Variants in TBXAS1 observed in about 807,000 individuals in gnomAD.
TBXAS1 encodes the protein thromboxane-A synthase.
In TBXAS1, 48 loss-of-function variants were observed where a neutral mutation model predicts 60.7. That is an observed-to-expected ratio of 0.79 (90% CI 0.63 to 1.01). The LOEUF (loss-of-function observed/expected upper bound fraction) is 1.01, where lower values mean the gene tolerates loss of function less well. TBXAS1 is among the 50% of genes least tolerant of loss of function. The pLI is 0.00. For missense variants in TBXAS1, 685 were observed against 686.3 expected (o/e 1.00, Z 0.02); for synonymous variants, 287 against 269.7 (o/e 1.06, Z -0.63).
At chr7:139,950,808 G>A (rs1422742383) in intron 5 of TBXAS1, among the ~76,000 whole-genome samples, 1 of 28,316 alleles carries the variant, frequency 3.5e-5, no homozygotes, top group Non-Finnish European at 6.2e-5. Flanking sequence ...GGACCCCCTC[G>A]CCTTCCATCT....
chr7:139,822,092 A>G (rs1188366864), intron 4 of TBXAS1, among the ~76,000 whole-genome samples: 1 of 152,210 alleles, frequency 6.6e-6, no homozygotes, highest in Non-Finnish European at 1.5e-5. Flanking sequence ...TTCACAAATG[A>G]GAAACCGAGG....
At chr7:139,970,006 C>T (rs892080220) in intron 9 of TBXAS1, among the ~76,000 whole-genome samples, 3 of 152,226 alleles carry the variant, frequency 2.0e-5, no homozygotes, top group Admixed American at 6.5e-5. Context: ...TAGGGCATCA[C>T]AAAGTTTAAC....
chr7:139,809,230 AGAT>A (rs554505635), intron 4 of TBXAS1, among the ~76,000 whole-genome samples: 8,202 of 102,528 alleles, frequency 0.08, 632 homozygotes, highest in African/African-American at 0.22. Flanking sequence ...ATAGATAGAT[AGAT>A]GATAGATAGA....
Position 140,007,115 on chromosome 7 carries a change from G to C in TBXAS1, c.1159G>C (p.Glu387Gln), listed in dbSNP as rs3735354. Reference protein sequence around the residue: ...KHMAPEFCSLEEGLPYLDMVI... With the variant: ...KHMAPEFCSLQEGLPYLDMVI... The stretch of plus-strand genomic sequence containing the variant: ...GATGGCCCCTGAGTTCTGCAGCCTC[G>C]AGGAAGGCCTGCCCTATCTGGACAT... The change falls in exon 10 of 13, where the codon GAG (glutamate) becomes CAG (glutamine). Residue 387 changes from glutamate to glutamine, a missense_variant. By Grantham distance (29) the Glu-to-Gln change is conservative. Coordinates refer to ENST00000448866, the MANE Select transcript of TBXAS1 (RefSeq NM_001061.7). The C allele has an allele frequency of 6.2e-7, 1 of 1,614,064 alleles. No homozygotes were observed. The highest frequency in any genetic ancestry group is 1.1e-5 in the South Asian group (1 of 91,064).
At chr7:139,887,302 T>C (rs557431758) in intron 3 of TBXAS1, among the ~76,000 whole-genome samples, 8 of 152,244 alleles carry the variant, frequency 5.3e-5, no homozygotes, top group Non-Finnish European at 1.2e-4. Context: ...TCTCCTATTT[T>C]TCATTGTATA....
At chr7:139,986,556 A>G (rs753262866) in intron 9 of TBXAS1, among the ~76,000 whole-genome samples, 1 of 149,284 alleles carries the variant, frequency 6.7e-6, no homozygotes, top group Non-Finnish European at 1.5e-5. Context: ...CCATTGTATC[A>G]TTCTTATGCC....
Position 139,922,114 on chromosome 7 carries a change from T to C in TBXAS1, c.333+10793T>C, listed in dbSNP as rs539871810. 7.0e-3 allele frequency among the ~76,000 whole-genome samples: 1,051 copies of C among 150,740 alleles called. 11 individuals are homozygous for C. Among genetic ancestry groups the C allele is most frequent in the South Asian group, 0.025 (120 of 4,768 alleles). On this transcript the variant is annotated intron_variant, in intron 4 of 12. Coordinates refer to ENST00000448866, the MANE Select transcript of TBXAS1 (RefSeq NM_001061.7). ...TTTTCTTTTTCTTTTTTTTTTTTTTTCCCCGAGATGGAGTTTTGCTCTTGT... is the reference window on the plus strand; with the variant it reads ...TTTTCTTTTTCTTTTTTTTTTTTTTCCCCCGAGATGGAGTTTTGCTCTTGT...
chr7:139,943,530 G>A (rs143097020), intron 5 of TBXAS1, among the ~76,000 whole-genome samples: 7 of 152,312 alleles, frequency 4.6e-5, no homozygotes, highest in East Asian at 1.9e-4. Context: ...CTGACTTGCC[G>A]CTGGTTAAAT....
chr7:139,952,464 A>G (rs969669890), intron 5 of TBXAS1: 29 of 1,413,018 alleles, frequency 2.1e-5, no homozygotes, highest in Non-Finnish European at 2.7e-5. Flanking sequence ...AGAAATGCTC[A>G]GAATGATGTA....
chr7:140,009,539 C>T (rs1814365469), intron 10 of TBXAS1, among the ~76,000 whole-genome samples: 1 of 151,700 alleles, frequency 6.6e-6, no homozygotes, highest in African/African-American at 2.4e-5. Flanking sequence ...GCCTCGCTCT[C>T]CTGAGCCGCC....
At chr7:139,799,940 C>T (rs141287832) in intron 4 of TBXAS1, among the ~76,000 whole-genome samples, 41 of 152,332 alleles carry the variant, frequency 2.7e-4, no homozygotes, top group Admixed American at 7.2e-4. Context: ...CTATCCACAT[C>T]TTGTTATCCA....
intron 3 of TBXAS1, among the ~76,000 whole-genome samples, chr7:139,885,001 G>A (rs1252942010): frequency 6.6e-6 from 1 of 152,230 alleles, no homozygotes; most frequent in Admixed American, 6.5e-5. Context: ...GTCTCATGAT[G>A]TGTGGCTGGA....
At chr7:139,841,040 C>A (rs1207813734) in intron 1 of TBXAS1, among the ~76,000 whole-genome samples, 1 of 152,240 alleles carries the variant, frequency 6.6e-6, no homozygotes, top group East Asian at 1.9e-4. Flanking sequence ...TACCAGCGAC[C>A]CAATGGCGGC....
At position 139,806,452 on chromosome 7, in the gene TBXAS1, AG is replaced by A. The variant is rs528840385; in HGVS notation, c.-80+19029del. On this transcript the variant is annotated intron_variant, in intron 4 of 16. Coordinates refer to the TBXAS1 transcript ENST00000336425. ...TAATTTTTGTATTTTTAGTAGAGAC[AG>A]GGTTTTGCCATGTTGCCCAGGCTGG... is the stretch of plus-strand genomic sequence containing the variant. 9.2e-3 allele frequency among the ~76,000 whole-genome samples: 1,340 copies of A among 145,132 alleles called. 13 individuals are homozygous for A. The highest frequency in any genetic ancestry group is 0.014 in the Non-Finnish European group (894 of 66,052).
chr7:139,824,842 T>C (rs1798396894), upstream of TBXAS1, among the ~76,000 whole-genome samples: 1 of 148,108 alleles, frequency 6.8e-6, no homozygotes, highest in Admixed American at 6.7e-5. Flanking sequence ...TTTTTTTTTT[T>C]TTTTTGAGAC....
intron 4 of TBXAS1, among the ~76,000 whole-genome samples, chr7:139,929,002 A>G (rs1024348950): frequency 2.0e-5 from 3 of 152,172 alleles, no homozygotes; most frequent in Non-Finnish European, 4.4e-5. Context: ...AGAGGGATCT[A>G]GAGTTTCAGA....
chr7:139,920,189 G>T (rs1806341715), intron 4 of TBXAS1, among the ~76,000 whole-genome samples: 1 of 152,214 alleles, frequency 6.6e-6, no homozygotes, highest in Non-Finnish European at 1.5e-5. Flanking sequence ...AATGCCCAAG[G>T]CATGGCTATT....
At chr7:139,937,842 C>T (rs894452147) in intron 5 of TBXAS1, among the ~76,000 whole-genome samples, 9 of 146,068 alleles carry the variant, frequency 6.2e-5, no homozygotes, top group South Asian at 2.3e-4. Context: ...CAGTGGTGCT[C>T]GGAGGCCACG....
chr7:139,799,886 C>T (rs559101033), intron 4 of TBXAS1, among the ~76,000 whole-genome samples: 1 of 152,212 alleles, frequency 6.6e-6, no homozygotes, highest in Non-Finnish European at 1.5e-5. Flanking sequence ...GGCCCTACCC[C>T]ACAAGCCTCA....
Sources: allele counts gnomAD v4.1 joint callset (sites outside exome capture counted in the v4.1 genomes callset), GRCh38; gene constraint gnomAD v4.1.1; transcripts MANE v1.5; gene names NCBI Gene and HGNC (gene_info 2026-07-23, HGNC 2026-07-21).